Variants in UBR3 observed in about 807,000 individuals in gnomAD.
UBR3 encodes the protein ubiquitin protein ligase E3 component n-recognin 3, also known as E3 ubiquitin-protein ligase UBR3.
A neutral mutation model predicts 243.2 loss-of-function variants in UBR3; 85 were observed. That is an observed-to-expected ratio of 0.35 (90% CI 0.29 to 0.42). The LOEUF (loss-of-function observed/expected upper bound fraction) is 0.42. UBR3 is among the 10% of genes least tolerant of loss of function. The pLI is 1.00. For missense variants in UBR3, 1,686 were observed against 2,300.8 expected (o/e 0.73, Z 5.47); for synonymous variants, 748 against 799.8 (o/e 0.94, Z 1.09).
intron 8 of UBR3, among the ~76,000 whole-genome samples, chr2:169,898,053 C>T (rs926584149): frequency 3.9e-5 from 6 of 152,206 alleles, no homozygotes; most frequent in African/African-American, 1.2e-4. Context: ...AACCTTGACA[C>T]AGCCAGTCCC....
chr2:169,864,380 T>C (rs1038063537), intron 1 of UBR3, among the ~76,000 whole-genome samples: 1 of 152,194 alleles, frequency 6.6e-6, no homozygotes, highest in African/African-American at 2.4e-5. Flanking sequence ...AGGACCTATG[T>C]GCCAGGCATG....
intron 1 of UBR3, among the ~76,000 whole-genome samples, chr2:169,851,542 A>C (rs2082657121): frequency 6.6e-6 from 1 of 152,138 alleles, no homozygotes; most frequent in South Asian, 2.1e-4. Context: ...TTTTTGGAGA[A>C]GTTAAAGATA....
At chr2:169,865,081 G>A (rs1258923813) in intron 1 of UBR3, among the ~76,000 whole-genome samples, 1 of 151,714 alleles carries the variant, frequency 6.6e-6, no homozygotes, top group East Asian at 1.9e-4. Flanking sequence ...GTGAGACTCC[G>A]TCTCGAAAAA....
At chr2:170,033,454 C>T (rs1022604233) in intron 31 of UBR3, among the ~76,000 whole-genome samples, 2 of 151,584 alleles carry the variant, frequency 1.3e-5, no homozygotes, top group African/African-American at 2.4e-5. Context: ...TGTTGAGGAA[C>T]GGAGCTGAGA....
At chr2:169,923,872 A>G (rs2085801286) in intron 11 of UBR3, 57 bp from the exon 12 acceptor site, 4 of 1,398,034 alleles carry the variant, frequency 2.9e-6, no homozygotes, top group Non-Finnish European at 3.9e-6. Context: ...TTTTACAACC[A>G]TCTTAAAATT....
chr2:170,022,615 TACTG>T (rs942490707), intron 30 of UBR3, among the ~76,000 whole-genome samples: 23 of 152,330 alleles, frequency 1.5e-4, no homozygotes, highest in African/African-American at 5.3e-4. Context: ...ATGGTACTTA[TACTG>T]ACTATCTGAT....
chr2:170,018,290 A>C (rs1344348558), intron 30 of UBR3, among the ~76,000 whole-genome samples: 2 of 152,064 alleles, frequency 1.3e-5, no homozygotes, highest in South Asian at 4.2e-4. Flanking sequence ...ACATTTTTGC[A>C]AGTACTGAGT....
chr2:169,939,144 CATATG>C (rs1161925678), intron 19 of UBR3, among the ~76,000 whole-genome samples: 1 of 151,876 alleles, frequency 6.6e-6, no homozygotes, highest in Non-Finnish European at 1.5e-5. Flanking sequence ...AATTAGGTGT[CATATG>C]AGATGATTAT....
intron 1 of UBR3, among the ~76,000 whole-genome samples, chr2:169,861,327 C>T (rs183727605): frequency 6.6e-6 from 1 of 152,102 alleles, no homozygotes; most frequent in Non-Finnish European, 1.5e-5. Flanking sequence ...AAACAAATGC[C>T]GGCTGGGTGT....
At position 169,942,602 on chromosome 2, in the gene UBR3, T is replaced by C; in HGVS notation, c.2773T>C (p.Leu925=). The C allele has an allele frequency of 6.5e-7, 1 of 1,549,616 alleles. No homozygotes were observed. The highest frequency in any genetic ancestry group is 8.7e-7 in the Non-Finnish European group (1 of 1,146,514). Residue 925 remains leucine, a synonymous_variant, in exon 20 of 39, where the codon TTA becomes CTA. Transcript: ENST00000272793. ...TATGAGACTTTTGCACTGTAAAACT[T>C]TACACATTGTGCTATTCACTCTGCT... is the stretch of plus-strand genomic sequence containing the variant. The part of the protein sequence containing the change: ...GLMRLLHCKT[L]HIVLFTLLYK...
In UBR3 at chr2:170,072,220, C is replaced by T. The variant is rs547857523; in HGVS notation, c.5020-1208C>T. Among the ~76,000 whole-genome samples, 360 of 152,244 alleles carry T rather than the reference C, an allele frequency of 2.4e-3. 2 individuals are homozygous for T. The highest frequency in any genetic ancestry group is 8.3e-3 in the African/African-American group (343 of 41,542). On this transcript the variant is annotated intron_variant, in intron 35 of 38. Transcript: ENST00000272793. Reference sequence around the variant, plus strand: ...GGATTAAGAAAATGTGGCACATATACGCCATGGAATACTATGCAGCCATAA... The same window carrying T: ...GGATTAAGAAAATGTGGCACATATATGCCATGGAATACTATGCAGCCATAA...
intron 1 of UBR3, 31 bp downstream of exon 1, chr2:169,828,083 A>G (rs115491675): frequency 0.055 from 74,529 of 1,345,808 alleles, 2,343 homozygotes; most frequent in Non-Finnish European, 0.062. Flanking sequence ...GGGCGAGGCG[A>G]CCCTGGGCCG....
intron 35 of UBR3, among the ~76,000 whole-genome samples, chr2:170,069,267 A>G (rs1225770435): frequency 6.6e-6 from 1 of 152,108 alleles, no homozygotes; most frequent in African/African-American, 2.4e-5. Flanking sequence ...CCAAATGGGT[A>G]TTTTTCTTTT....
intron 11 of UBR3, among the ~76,000 whole-genome samples, chr2:169,919,220 T>C (rs1443513894): frequency 6.6e-6 from 1 of 152,136 alleles, no homozygotes; most frequent in African/African-American, 2.4e-5. Flanking sequence ...ATTGGAAGGT[T>C]ATCAGGAGGC....
chr2:169,937,220 C>G (rs1414930971), intron 19 of UBR3, among the ~76,000 whole-genome samples: 1 of 152,202 alleles, frequency 6.6e-6, no homozygotes, highest in Non-Finnish European at 1.5e-5. Context: ...GAGATGGTAT[C>G]TAATTGTGGT....
At chr2:170,044,142 G>A (rs1165570421) in intron 32 of UBR3, among the ~76,000 whole-genome samples, 1 of 152,076 alleles carries the variant, frequency 6.6e-6, no homozygotes, top group African/African-American at 2.4e-5. Flanking sequence ...CCCTTTTGAT[G>A]TAAGAGTTAA....
At chr2:169,992,689 A>G (rs1351294655) in intron 25 of UBR3, among the ~76,000 whole-genome samples, 4 of 152,174 alleles carry the variant, frequency 2.6e-5, no homozygotes, top group African/African-American at 9.7e-5. Context: ...CTTCTGATGC[A>G]CACATCATGA....
chr2:169,838,458 C>G (rs1038923902), intron 1 of UBR3, among the ~76,000 whole-genome samples: 1 of 143,950 alleles, frequency 6.9e-6, no homozygotes, highest in Non-Finnish European at 1.5e-5. Context: ...TCTGGTGAGG[C>G]CTTCTTGCAT....
At position 169,914,871 on chromosome 2, in the gene UBR3, TG is replaced by T. The variant is rs1392472975; in HGVS notation, c.1866+726del. Reference sequence around the variant, plus strand: ...TCTTGTGTGTGTGTGTGTGTGTGTGTGTTTTTTTTCCTTTCTGTTTAAAAAA... The same window carrying T: ...TCTTGTGTGTGTGTGTGTGTGTGTGTTTTTTTTTCCTTTCTGTTTAAAAAA... On this transcript the variant is annotated intron_variant, in intron 11 of 38. Transcript: ENST00000272793. 1.6e-3 allele frequency among the ~76,000 whole-genome samples: 80 copies of T among 48,990 alleles called. No individual in the cohort carries two copies. The East Asian group carries it at 0.026, about 16-fold the overall frequency. 32.1% of individuals were successfully genotyped at this position (48,990 alleles called of 152,430 possible).
Sources: allele counts gnomAD v4.1 joint callset (sites outside exome capture counted in the v4.1 genomes callset), GRCh38; gene constraint gnomAD v4.1.1; transcripts MANE v1.5; gene names NCBI Gene and HGNC (gene_info 2026-07-23, HGNC 2026-07-21).